The following BRI3 variants were observed in gnomAD, a reference collection of about 807,000 sequenced individuals.
The protein encoded by BRI3 is membrane protein BRI3.
In BRI3, 6 loss-of-function variants were observed where a neutral mutation model predicts 12.8. That is an observed-to-expected ratio of 0.47 (90% CI 0.26 to 0.93). The LOEUF (loss-of-function observed/expected upper bound fraction) is 0.93, where lower values mean the gene tolerates loss of function less well. Among genes scored for constraint, BRI3 ranks in the 40% least tolerant of loss-of-function variants. The pLI, the probability that BRI3 is intolerant of heterozygous loss-of-function variation, is 0.15. For missense variants in BRI3, 134 were observed against 171.1 expected, an observed-to-expected ratio of 0.78 and a Z score of 1.21; for synonymous variants, 91 against 76.1, an observed-to-expected ratio of 1.20 and a Z score of -1.02.
the BRI3 span, chr7:98,319,991 C>G: frequency 9.1e-6 from 12 of 1,315,022 alleles, no homozygotes; most frequent in South Asian, 2.6e-5. Context: ...ACAGTGGGAA[C>G]GAGTTCTCCC....
At chr7:98,292,486 C>T (rs1373688623), downstream of BRI3, 2 of 733,264 alleles carry the variant, frequency 2.7e-6, no homozygotes, top group African/African-American at 3.6e-5. Flanking sequence ...AACCATGACT[C>T]TCCACTCCAA....
At chr7:98,294,391 C>T (rs1800099716), downstream of BRI3, among the ~76,000 whole-genome samples, 1 of 152,198 alleles carries the variant, frequency 6.6e-6, no homozygotes, top group Non-Finnish European at 1.5e-5. Flanking sequence ...TGTCTAAATT[C>T]ACTTGGAAGA....
chr7:98,292,704 A>C (rs551654309), downstream of BRI3: 47 of 1,551,660 alleles, frequency 3.0e-5, 1 homozygote, highest in African/African-American at 6.2e-4. Context: ...AAACACGGAG[A>C]AACCAGGACC....
At chr7:98,287,090 G>T (rs1439179808) in intron 2 of BRI3, among the ~76,000 whole-genome samples, 3 of 152,236 alleles carry the variant, frequency 2.0e-5, no homozygotes, top group Non-Finnish European at 4.4e-5. Context: ...TCCCGGGCCG[G>T]GGTTCTCAGG....
chr7:98,293,501 G>C (rs780253951), downstream of BRI3: 61 of 1,608,398 alleles, frequency 3.8e-5, no homozygotes, highest in South Asian at 4.1e-4. Context: ...AGAGGCCCGG[G>C]AGAGTCCTTG....
the BRI3 span, among the ~76,000 whole-genome samples, chr7:98,322,380 A>G: frequency 6.6e-6 from 1 of 152,096 alleles, no homozygotes; most frequent in Admixed American, 6.5e-5. Context: ...CATCCTCGAC[A>G]TGTCTCAAAG....
At chr7:98,297,104 C>T (rs11761158), downstream of BRI3, among the ~76,000 whole-genome samples, 62,132 of 152,166 alleles carry the variant, frequency 0.41, 13,705 homozygotes, top group Middle Eastern at 0.54. Flanking sequence ...GCAGCCACTA[C>T]GAGAGTGGTT....
intron 2 of BRI3, among the ~76,000 whole-genome samples, chr7:98,290,341 G>A (rs1175007691): frequency 8.0e-5 from 12 of 149,384 alleles, no homozygotes; most frequent in Admixed American, 7.4e-4. Context: ...GACTACAGGC[G>A]CCCGCCACCG....
chr7:98,292,638 G>A, downstream of BRI3: 2 of 1,551,624 alleles, frequency 1.3e-6, no homozygotes, highest in Non-Finnish European at 1.7e-6. Flanking sequence ...CCCTTCTCCA[G>A]GCACCAGAGG....
At chr7:98,282,752 G>A (rs1799569755) in intron 2 of BRI3, 1 of 337,332 alleles carries the variant, frequency 3.0e-6, no homozygotes, top group African/African-American at 2.1e-5. Context: ...GGGACTCGTG[G>A]TCCTTTCGTC....
chr7:98,299,660 G>A (rs1359703278), intron 1 of BRI3, among the ~76,000 whole-genome samples: 4 of 152,220 alleles, frequency 2.6e-5, no homozygotes, highest in Non-Finnish European at 5.9e-5. Flanking sequence ...CCCAGCTAGA[G>A]CAAGTTTTTA....
intron 1 of BRI3, among the ~76,000 whole-genome samples, chr7:98,299,823 C>T (rs527516640): frequency 6.6e-6 from 1 of 152,112 alleles, no homozygotes; most frequent in South Asian, 2.1e-4. Context: ...GGAGGATCAC[C>T]TGAGATCAGG....
chr7:98,300,278 C>T (rs1453154957), intron 1 of BRI3, among the ~76,000 whole-genome samples: 2 of 152,168 alleles, frequency 1.3e-5, no homozygotes, highest in Admixed American at 6.5e-5. Context: ...GCTCCCTGCT[C>T]CCGCCCTTGG....
upstream of BRI3, chr7:98,304,160 C>A (rs990709721): frequency 2.6e-6 from 4 of 1,525,758 alleles, no homozygotes; most frequent in African/African-American, 5.5e-5. Flanking sequence ...GATGGCGAGT[C>A]CAGGACCCAG....
At chr7:98,314,259 A>C (rs1211744301), downstream of BRI3, among the ~76,000 whole-genome samples, 11 of 152,204 alleles carry the variant, frequency 7.2e-5, no homozygotes, top group South Asian at 4.1e-4. Flanking sequence ...CTGGGATTAC[A>C]GGCGTGAGCC....
the BRI3 span, among the ~76,000 whole-genome samples, chr7:98,322,112 G>A: frequency 6.6e-6 from 1 of 152,042 alleles, no homozygotes; most frequent in Non-Finnish European, 1.5e-5. Context: ...CCCCAAAAAA[G>A]GAATTCTAGT....
At chr7:98,315,625 A>AAAAAAT in the BRI3 span, 23 of 1,131,170 alleles carry the variant, frequency 2.0e-5, no homozygotes, top group African/African-American at 2.7e-4. Context: ...AAAAAAAAAA[A>AAAAAAT]AATAATAATA....
At chr7:98,315,626 AATAAT>A in the BRI3 span, 9 of 1,077,172 alleles carry the variant, frequency 8.4e-6, no homozygotes, top group East Asian at 3.3e-5. Context: ...AAAAAAAAAA[AATAAT>A]AATAATAATA....
chr7:98,299,605 C>T (rs1414702731), intron 1 of BRI3, among the ~76,000 whole-genome samples: 1 of 152,140 alleles, frequency 6.6e-6, no homozygotes, highest in Non-Finnish European at 1.5e-5. Flanking sequence ...GATTCTACCA[C>T]CTTGGCCTTC....
Sources: gnomAD v4.1 joint callset for allele counts (sites outside exome capture counted in the v4.1 genomes callset) on GRCh38, gnomAD v4.1.1 for gene constraint, MANE v1.5 for transcripts, NCBI Gene and HGNC (gene_info 2026-07-23, HGNC 2026-07-21) for gene names.